ITPK1: variants seen among roughly 807,000 people sequenced by gnomAD.
The protein encoded by ITPK1 is inositol-tetrakisphosphate 1-kinase.
In ITPK1, 21 loss-of-function variants were observed where a neutral mutation model predicts 45.3. The observed-to-expected ratio is 0.46, with a 90% CI of 0.33 to 0.67. The LOEUF (loss-of-function observed/expected upper bound fraction) is 0.67, where lower values mean the gene tolerates loss of function less well. ITPK1 is among the 30% of genes least tolerant of loss of function. The pLI, the probability that ITPK1 is intolerant of heterozygous loss-of-function variation, is 0.02. For synonymous variants in ITPK1, 258 were observed against 253.6 expected (o/e 1.02, Z -0.16); for missense variants, 474 against 573.5 (o/e 0.83, Z 1.77).
chr14:92,946,090 C>T (rs1055290381), intron 10 of ITPK1, among the ~76,000 whole-genome samples: 2 of 152,144 alleles, frequency 1.3e-5, no homozygotes, highest in African/African-American at 2.4e-5. Context: ...GAGGGACATG[C>T]GTGCTGTGGC....
At chr14:93,053,764 C>T (rs1890116129) in intron 3 of ITPK1, among the ~76,000 whole-genome samples, 1 of 152,162 alleles carries the variant, frequency 6.6e-6, no homozygotes, top group Non-Finnish European at 1.5e-5. Context: ...GAAGTCTCTG[C>T]ACCTTCCTCT....
intron 9 of ITPK1, among the ~76,000 whole-genome samples, chr14:92,947,561 G>A (rs1203169201): frequency 3.3e-5 from 5 of 152,234 alleles, no homozygotes. Context: ...TCTGTCTCAG[G>A]TTTGCTCTTC....
intron 2 of ITPK1, among the ~76,000 whole-genome samples, chr14:93,081,930 A>C (rs1891450477): frequency 1.3e-5 from 2 of 152,184 alleles, no homozygotes; most frequent in African/African-American, 4.8e-5. Context: ...GAGCGTGTCA[A>C]AAATCCTCAT....
At chr14:92,987,157 G>A (rs931192570) in intron 5 of ITPK1, among the ~76,000 whole-genome samples, 7 of 152,184 alleles carry the variant, frequency 4.6e-5, no homozygotes, top group African/African-American at 1.4e-4. Flanking sequence ...GGGACAAAGG[G>A]GTGAGGCTGC....
chr14:93,036,801 C>T lies in ITPK1; in HGVS notation c.121-20000G>A. Reference sequence around the variant, plus strand: ...CAAGAAAAATCCCCCCAGAGCAGAGCAGAGAAGGGCTGAGAGATGCTGACA... The same window carrying T: ...CAAGAAAAATCCCCCCAGAGCAGAGTAGAGAAGGGCTGAGAGATGCTGACA... On this transcript the variant is annotated intron_variant, in intron 3 of 10. Coordinates refer to ENST00000267615, the MANE Select transcript of ITPK1 (RefSeq NM_014216.6). This position sits in a 1 kb window ranked among gnomAD's most constrained non-coding sequence, Gnocchi z 4.1. The T allele has an allele frequency of 6.6e-6, 1 of 152,392 alleles. No individual in the cohort carries two copies. The highest frequency in any genetic ancestry group is 1.9e-4 in the East Asian group (1 of 5,198). 9.4% of individuals were successfully genotyped at this position (152,392 alleles called of 1,614,324 possible).
intron 4 of ITPK1, among the ~76,000 whole-genome samples, chr14:92,997,534 G>A (rs1027585576): frequency 1.1e-4 from 17 of 152,302 alleles, no homozygotes; most frequent in Admixed American, 2.0e-4. Flanking sequence ...ATCCACAAGC[G>A]GACTTTGTGC....
At position 93,006,948 on chromosome 14, in the gene ITPK1, C is replaced by A. The variant is rs554568080; in HGVS notation, c.246+9728G>T. Among the ~76,000 whole-genome samples the A allele has an allele frequency of 3.9e-5, 6 of 152,356 alleles. No homozygotes were observed. In the South Asian group the frequency reaches 1.0e-3, roughly 26 times the overall value. ...AGGCAGGCAAGGTGCCCAGCCAGAG[C>A]TATTCCCCTGACAAATGCCACATGC... On this transcript the variant is annotated intron_variant, in intron 4 of 10. Coordinates refer to ENST00000267615, the MANE Select transcript of ITPK1 (RefSeq NM_014216.6).
chr14:92,979,389 G>A (rs1407219703), intron 5 of ITPK1, among the ~76,000 whole-genome samples: 2 of 152,200 alleles, frequency 1.3e-5, no homozygotes, highest in African/African-American at 4.8e-5. Flanking sequence ...GACTTTGGGG[G>A]GCTGTTGGGA....
intron 4 of ITPK1, among the ~76,000 whole-genome samples, chr14:93,009,698 GT>G (rs1379444916): frequency 6.6e-6 from 1 of 152,188 alleles, no homozygotes; most frequent in Admixed American, 6.5e-5. Flanking sequence ...GACATGATCT[GT>G]TTCTCTGGGA....
chr14:92,956,422 C>G (rs761777754), intron 8 of ITPK1, among the ~76,000 whole-genome samples: 1 of 152,050 alleles, frequency 6.6e-6, no homozygotes, highest in Non-Finnish European at 1.5e-5. Flanking sequence ...TGAGCCACCA[C>G]GTCTGGTCTC....
chr14:93,056,722 T>C (rs1486619136), intron 3 of ITPK1, among the ~76,000 whole-genome samples: 4 of 151,814 alleles, frequency 2.6e-5, no homozygotes, highest in African/African-American at 9.7e-5. Flanking sequence ...GGTGTTGCCA[T>C]GGCAACAGTC....
intron 4 of ITPK1, among the ~76,000 whole-genome samples, chr14:92,998,251 T>C (rs1488539864): frequency 6.6e-6 from 1 of 152,216 alleles, no homozygotes; most frequent in Non-Finnish European, 1.5e-5. Context: ...CTGCAACACC[T>C]GGGCTCCTAG....
chr14:93,016,556 T>C lies in ITPK1; in HGVS notation c.246+120A>G. ...CCATGTCTTGCCAGTGGCAGAGCCA[T>C]TTCTCCAGACTATACCTCCAGAGAG... On this transcript the variant is annotated intron_variant, in intron 4 of 10. Transcript: ENST00000267615. This position sits in a 1 kb window ranked among gnomAD's most constrained non-coding sequence, Gnocchi z 5.0. 2 of 1,166,236 alleles carry C rather than the reference T, an allele frequency of 1.7e-6. No homozygotes were observed. Among genetic ancestry groups the C allele is most frequent in the East Asian group, 2.4e-5 (1 of 41,992 alleles). 72.2% of individuals were successfully genotyped at this position (1,166,236 alleles called of 1,614,324 possible).
chr14:93,077,610 G>A (rs943265969), intron 2 of ITPK1, among the ~76,000 whole-genome samples: 2 of 152,318 alleles, frequency 1.3e-5, no homozygotes, highest in Non-Finnish European at 2.9e-5. Flanking sequence ...GAGCCACCAC[G>A]TCCAGCCTCC....
intron 2 of ITPK1, among the ~76,000 whole-genome samples, chr14:93,086,318 C>T (rs1369708825): frequency 1.3e-5 from 2 of 152,148 alleles, no homozygotes; most frequent in Non-Finnish European, 2.9e-5. Context: ...CAGAGGAGAC[C>T]GAAAGACTTC....
intron 4 of ITPK1, among the ~76,000 whole-genome samples, chr14:93,010,318 G>A (rs1332007366): frequency 6.6e-6 from 1 of 152,204 alleles, no homozygotes; most frequent in Non-Finnish European, 1.5e-5. Flanking sequence ...CCCTGTGCTG[G>A]CGACTGCTCA....
chr14:92,948,021 G>A (rs1251034849), intron 9 of ITPK1, among the ~76,000 whole-genome samples: 4 of 152,228 alleles, frequency 2.6e-5, no homozygotes, highest in African/African-American at 7.2e-5. Flanking sequence ...AAAAAGGAAT[G>A]AACTTCTGAC....
At chr14:92,950,416 G>A (rs2139713244) in intron 9 of ITPK1, among the ~76,000 whole-genome samples, 1 of 152,390 alleles carries the variant, frequency 6.6e-6, no homozygotes, top group South Asian at 2.1e-4. Context: ...AGTGGAAAAG[G>A]TGGTGCTGAC....
chr14:93,008,805 G>C (rs1304930964), intron 4 of ITPK1, among the ~76,000 whole-genome samples: 1 of 152,254 alleles, frequency 6.6e-6, no homozygotes, highest in African/African-American at 2.4e-5. Context: ...ACAGAAAACA[G>C]GGTGTCCTTT....
Sources: gnomAD v4.1 joint callset for allele counts (sites outside exome capture counted in the v4.1 genomes callset) on GRCh38, gnomAD v4.1.1 for gene constraint, Gnocchi (gnomAD v3.1) non-coding constraint, MANE v1.5 for transcripts, NCBI Gene and HGNC (gene_info 2026-07-23, HGNC 2026-07-21) for gene names.